Variants in NELL1 observed in about 807,000 individuals in gnomAD.
The protein encoded by NELL1 is neural EGFL like 1.
NELL1 carries 76 observed loss-of-function variants against 107.4 expected under a neutral mutation model. The ratio of observed to expected loss-of-function variants is 0.71; its 90% CI spans 0.59 to 0.86. The LOEUF is 0.86. NELL1 is among the 40% of genes least tolerant of loss of function. The pLI, the probability that NELL1 is intolerant of heterozygous loss-of-function variation, is 0.00. For synonymous variants in NELL1, 353 were observed against 341.2 expected (o/e 1.03, Z -0.38); for missense variants, 1,024 against 1,005.5 (o/e 1.02, Z -0.25).
chr11:20,985,364 A>G (rs1168704130), intron 12 of NELL1, among the ~76,000 whole-genome samples: 1 of 152,194 alleles, frequency 6.6e-6, no homozygotes, highest in Non-Finnish European at 1.5e-5. Flanking sequence ...AAATATAGCT[A>G]TCATTTTTAT....
At chr11:20,820,374 G>T (rs1415118757) in intron 3 of NELL1, among the ~76,000 whole-genome samples, 1 of 152,176 alleles carries the variant, frequency 6.6e-6, no homozygotes, top group Non-Finnish European at 1.5e-5. Flanking sequence ...TATAAACTAG[G>T]TGCTGTGCTA....
intron 14 of NELL1, among the ~76,000 whole-genome samples, chr11:21,239,435 A>C (rs1455483255): frequency 2.0e-5 from 3 of 152,038 alleles, no homozygotes; most frequent in Non-Finnish European, 4.4e-5. Context: ...TACCCACCCA[A>C]GTGTGGCATG....
intron 15 of NELL1, among the ~76,000 whole-genome samples, chr11:21,490,350 AT>A (rs1854768431): frequency 6.6e-6 from 1 of 151,840 alleles, no homozygotes; most frequent in African/African-American, 2.4e-5. Context: ...TATTATTATA[AT>A]GGCCATACTG....
chr11:21,458,192 G>C (rs144520491), intron 15 of NELL1, among the ~76,000 whole-genome samples: 17 of 152,282 alleles, frequency 1.1e-4, no homozygotes, highest in African/African-American at 4.1e-4. Context: ...AGAGGGAAGA[G>C]TTGAAAATTT....
chr11:20,768,168 A>G (rs573330528), intron 2 of NELL1, among the ~76,000 whole-genome samples: 9 of 152,346 alleles, frequency 5.9e-5, no homozygotes, highest in African/African-American at 9.6e-5. Flanking sequence ...AGCTCATTTA[A>G]TCCTTATAAC....
chr11:21,086,294 A>G (rs12280903), intron 12 of NELL1, among the ~76,000 whole-genome samples: 32,424 of 152,142 alleles, frequency 0.21, 3,596 homozygotes, highest in Middle Eastern at 0.33. Flanking sequence ...TGATTTTCAA[A>G]CATTGAACCT....
At chr11:21,188,612 T>A (rs936988813) in intron 13 of NELL1, among the ~76,000 whole-genome samples, 3 of 151,746 alleles carry the variant, frequency 2.0e-5, no homozygotes, top group Non-Finnish European at 4.4e-5. Flanking sequence ...ATAAAAAAAA[T>A]TTATTTAAAA....
intron 13 of NELL1, among the ~76,000 whole-genome samples, chr11:21,143,967 G>A (rs1195147067): frequency 3.3e-5 from 5 of 152,190 alleles, no homozygotes; most frequent in African/African-American, 1.2e-4. Flanking sequence ...GTAACAGGAG[G>A]TGAAGGAAGG....
At chr11:20,927,178 C>T in intron 7 of NELL1, 130 bp from the exon 8 acceptor site, 1 of 752,622 alleles carries the variant, frequency 1.3e-6, no homozygotes, top group South Asian at 2.1e-5. Context: ...ACAGATAATG[C>T]TAAGAATCAG....
rs137867460 is a variant in NELL1 at position 21,093,777 on chromosome 11, C to T, written c.1301-19812C>T. ...ACCATCAGATCTCATGAGATTTATTCGCTATCATGAGAACTGCATGGGAAA... is the reference window on the plus strand; with the variant it reads ...ACCATCAGATCTCATGAGATTTATTTGCTATCATGAGAACTGCATGGGAAA... On this transcript the variant is annotated intron_variant, in intron 12 of 19. Coordinates refer to ENST00000357134, the MANE Select transcript of NELL1 (RefSeq NM_006157.5). Among the ~76,000 whole-genome samples, 7 of 152,056 alleles carry T rather than the reference C, an allele frequency of 4.6e-5. No individual in the cohort carries two copies. In the South Asian group the frequency reaches 6.2e-4, roughly 14 times the overall value.
At chr11:20,985,606 G>T (rs1348015938) in intron 12 of NELL1, among the ~76,000 whole-genome samples, 2 of 152,146 alleles carry the variant, frequency 1.3e-5, no homozygotes, top group African/African-American at 4.8e-5. Flanking sequence ...AGAATGTTGG[G>T]CCCTTTTGAA....
intron 4 of NELL1, among the ~76,000 whole-genome samples, chr11:20,865,797 C>T (rs1234217939): frequency 6.6e-6 from 1 of 152,116 alleles, no homozygotes; most frequent in Non-Finnish European, 1.5e-5. Flanking sequence ...AGTTTATGTA[C>T]TCCTTGCCTG....
chr11:20,699,096 A>C (rs1036222995), intron 2 of NELL1, among the ~76,000 whole-genome samples: 2 of 151,554 alleles, frequency 1.3e-5, no homozygotes, highest in Non-Finnish European at 2.9e-5. Flanking sequence ...GCACATCTGT[A>C]GCCCTAGCTA....
chr11:20,704,692 C>T (rs1043660990), intron 2 of NELL1, among the ~76,000 whole-genome samples: 6 of 152,070 alleles, frequency 3.9e-5, no homozygotes, highest in African/African-American at 1.4e-4. Flanking sequence ...TCTTGTAAGT[C>T]AGGCCTGGTG....
chr11:20,976,625 C>A lies in NELL1; in HGVS notation c.1300+16065C>A, dbSNP rs556161212. Among the ~76,000 whole-genome samples the A allele has an allele frequency of 8.5e-5, 13 of 152,280 alleles. No homozygotes were observed. The South Asian group carries it at 2.7e-3, about 32-fold the overall frequency. On this transcript the variant is annotated intron_variant, in intron 12 of 19. Transcript: ENST00000357134. The stretch of plus-strand genomic sequence containing the variant: ...TATAATGGCTTTGAAAAGCTCACTG[C>A]AAACTGTGTTTAACATAGCATCTGT...
At chr11:20,749,050 C>T (rs1343410256) in intron 2 of NELL1, among the ~76,000 whole-genome samples, 1 of 151,916 alleles carries the variant, frequency 6.6e-6, no homozygotes, top group Admixed American at 6.6e-5. Flanking sequence ...GACAAAACCT[C>T]TACTCTCATG....
intron 12 of NELL1, among the ~76,000 whole-genome samples, chr11:21,004,797 A>G (rs1449930503): frequency 6.6e-6 from 1 of 152,132 alleles, no homozygotes; most frequent in Non-Finnish European, 1.5e-5. Flanking sequence ...CGTGTGTCCA[A>G]AGGAACATTG....
chr11:21,273,301 CA>C (rs1848779365), intron 14 of NELL1, among the ~76,000 whole-genome samples: 2 of 152,146 alleles, frequency 1.3e-5, no homozygotes, highest in African/African-American at 4.8e-5. Context: ...GAAAGGGTAT[CA>C]GTGATGGAAG....
At chr11:20,689,456 C>T (rs1198222256) in intron 2 of NELL1, among the ~76,000 whole-genome samples, 1 of 113,782 alleles carries the variant, frequency 8.8e-6, no homozygotes, top group African/African-American at 3.4e-5. Context: ...CCACAACAGT[C>T]CCCAGAGTGT....
Sources: allele counts gnomAD v4.1 joint callset (sites outside exome capture counted in the v4.1 genomes callset), GRCh38; gene constraint gnomAD v4.1.1; transcripts MANE v1.5; gene names NCBI Gene and HGNC (gene_info 2026-07-23, HGNC 2026-07-21).